Variants in PPP1R21 observed in about 807,000 individuals in gnomAD.
PPP1R21 encodes the protein KLRAQ motif containing 1.
A neutral mutation model predicts 112.8 loss-of-function variants in PPP1R21; 85 were observed. That is an observed-to-expected ratio of 0.75 (90% CI 0.63 to 0.90). The LOEUF (loss-of-function observed/expected upper bound fraction) is 0.90, where lower values mean the gene tolerates loss of function less well. PPP1R21 is among the 40% of genes least tolerant of loss of function. The pLI is 0.00. For missense variants in PPP1R21, 1,199 were observed against 901.5 expected, an observed-to-expected ratio of 1.33 and a Z score of -4.23; for synonymous variants, 381 against 322.3, an observed-to-expected ratio of 1.18 and a Z score of -1.95.
At chr2:48,461,657 G>T (rs1459329513) in intron 7 of PPP1R21, among the ~76,000 whole-genome samples, 1 of 152,120 alleles carries the variant, frequency 6.6e-6, no homozygotes, top group Non-Finnish European at 1.5e-5. Flanking sequence ...ACTTGGTTAA[G>T]CCTTGCTTCC....
chr2:48,473,113 T>C (rs1359810133), intron 11 of PPP1R21, among the ~76,000 whole-genome samples: 3 of 151,276 alleles, frequency 2.0e-5, no homozygotes, highest in Non-Finnish European at 4.4e-5. Flanking sequence ...AAAAAATTAA[T>C]ATATATTAAG....
intron 16 of PPP1R21, among the ~76,000 whole-genome samples, chr2:48,497,006 C>T (rs976039732): frequency 2.0e-5 from 3 of 152,156 alleles, no homozygotes; most frequent in African/African-American, 7.2e-5. Flanking sequence ...AACATGTTTC[C>T]CTGACTTCTG....
At chr2:48,452,533 A>C (rs1667522657) in intron 2 of PPP1R21, among the ~76,000 whole-genome samples, 2 of 150,228 alleles carry the variant, frequency 1.3e-5, no homozygotes, top group Admixed American at 1.3e-4. Flanking sequence ...ATTATATAAT[A>C]TAAATTATGA....
chr2:48,465,435 G>A (rs997318666), intron 8 of PPP1R21, 58 bp from the exon 9 acceptor site: 1 of 1,490,422 alleles, frequency 6.7e-7, no homozygotes, highest in African/African-American at 1.4e-5. Context: ...ACTCAATAAA[G>A]TTCTTTTAGG....
rs1463354290 is a variant in PPP1R21 at position 48,505,601 on chromosome 2, CAT to C, written c.1968+6_1968+7del. ...ACCAGGACATCTGACAGTGAGGTAACATGTGCTTGTCATCATGTTGTTTGTTA... is the reference window on the plus strand; with the variant it reads ...ACCAGGACATCTGACAGTGAGGTAACGTGCTTGTCATCATGTTGTTTGTTA... On this transcript the variant is annotated splice_donor_region_variant and intron_variant, in intron 18 of 21. Coordinates refer to ENST00000294952, the MANE Select transcript of PPP1R21 (RefSeq NM_001135629.3). 5.2e-6 allele frequency: 8 copies of C among 1,548,826 alleles called. No individual in the cohort carries two copies. Among genetic ancestry groups the C allele is most frequent in the South Asian group, 3.6e-5 (3 of 83,966 alleles).
chr2:48,483,698 C>G (rs1011859489), intron 13 of PPP1R21, among the ~76,000 whole-genome samples: 5 of 152,154 alleles, frequency 3.3e-5, no homozygotes, highest in African/African-American at 1.2e-4. Flanking sequence ...ATTGTTCCAA[C>G]CCAAGTGCTG....
intron 18 of PPP1R21, 99 bp from the exon 19 acceptor site, chr2:48,507,170 G>A: frequency 2.1e-6 from 3 of 1,396,234 alleles, no homozygotes; most frequent in Non-Finnish European, 2.8e-6. Flanking sequence ...CAAAGTTCAA[G>A]TGAGAATGTA....
chr2:48,441,102 G>GACCT, intron 1 of PPP1R21, 92 bp downstream of exon 1: 1 of 884,904 alleles, frequency 1.1e-6, no homozygotes, highest in East Asian at 2.7e-5. Context: ...GGTACTGCGG[G>GACCT]AGGGGCACGC....
intron 9 of PPP1R21, among the ~76,000 whole-genome samples, chr2:48,467,925 C>T (rs897967017): frequency 2.6e-5 from 4 of 152,152 alleles, no homozygotes; most frequent in Admixed American, 6.5e-5. Context: ...ATGAGTCATG[C>T]CATTCGTCCT....
intron 9 of PPP1R21, among the ~76,000 whole-genome samples, chr2:48,468,829 A>ATGTGTATG (rs1553339044): frequency 2.0e-5 from 3 of 146,428 alleles, no homozygotes; most frequent in Non-Finnish European, 4.5e-5. Context: ...AAAAAAATGT[A>ATGTGTATG]TGTGTGTGTG....
chr2:48,450,927 T>G (rs1667442361), intron 1 of PPP1R21, 81 bp from the exon 2 acceptor site: 1 of 1,137,314 alleles, frequency 8.8e-7, no homozygotes, highest in African/African-American at 1.5e-5. Context: ...AGTGTAATGA[T>G]GCCTGTAAAA....
Position 48,505,508 on chromosome 2 carries a change from A to G in PPP1R21, c.1936-56A>G, listed in dbSNP as rs1002230961. On this transcript the variant is annotated intron_variant, in intron 17 of 21. Coordinates refer to ENST00000294952, the MANE Select transcript of PPP1R21 (RefSeq NM_001135629.3). ...AGAAAATATTAAAAGCGTTTGATCT[A>G]TTGTGCTTGAAATGTACACATTCTG... is the stretch of plus-strand genomic sequence containing the variant. 179 of 1,283,228 alleles carry G rather than the reference A, an allele frequency of 1.4e-4. 1 individual carries two copies. The South Asian group carries it at 2.1e-3, about 15-fold the overall frequency. 79.5% of individuals were successfully genotyped at this position (1,283,228 alleles called of 1,614,324 possible). A position where few individuals can be genotyped will look rare whatever the true frequency, so the allele number is the denominator to read the frequency against.
intron 11 of PPP1R21, among the ~76,000 whole-genome samples, chr2:48,472,212 C>A (rs551045092): frequency 8.8e-6 from 1 of 113,166 alleles, no homozygotes; most frequent in South Asian, 2.9e-4. Context: ...TGCACTCCAG[C>A]CTAGGCAACA....
At position 48,486,783 on chromosome 2, in the gene PPP1R21, A is replaced by G. The variant is rs777881969; in HGVS notation, c.1446+25A>G. 37 of 1,594,392 alleles carry G rather than the reference A, an allele frequency of 2.3e-5. 1 individual carries two copies. The South Asian group carries it at 3.6e-4, about 16-fold the overall frequency. Reference sequence around the variant, plus strand: ...GGTAATTCTCTTCTGGCGTATATTGATGTTAAAACTCTTAAATATGTGCTT... The same window carrying G: ...GGTAATTCTCTTCTGGCGTATATTGGTGTTAAAACTCTTAAATATGTGCTT... On this transcript the variant is annotated intron_variant, in intron 14 of 21. Coordinates refer to ENST00000294952, the MANE Select transcript of PPP1R21 (RefSeq NM_001135629.3).
intron 19 of PPP1R21, 104 bp from the exon 20 acceptor site, chr2:48,509,911 T>A (rs977439592): frequency 1.5e-6 from 1 of 658,916 alleles, no homozygotes; most frequent in South Asian, 2.2e-5. Flanking sequence ...GTGGAATGAA[T>A]GAGTAGCTTT....
intron 8 of PPP1R21, 123 bp from the exon 9 acceptor site, chr2:48,465,370 T>A (rs1489414391): frequency 3.1e-6 from 3 of 959,972 alleles, no homozygotes; most frequent in Non-Finnish European, 3.0e-6. Flanking sequence ...TGGGAGCAGA[T>A]GAATTTAAAG....
At chr2:48,452,611 A>G (rs1667528958) in intron 2 of PPP1R21, among the ~76,000 whole-genome samples, 2 of 151,682 alleles carry the variant, frequency 1.3e-5, no homozygotes, top group African/African-American at 4.8e-5. Context: ...ACAACAAGTG[A>G]CAATTTGCCA....
intron 1 of PPP1R21, chr2:48,441,288 GA>G (rs1308533865): frequency 4.4e-5 from 23 of 520,574 alleles, no homozygotes; most frequent in South Asian, 1.4e-4. Flanking sequence ...TGGGATGTCA[GA>G]AATTCTGGCT....
intron 18 of PPP1R21, 44 bp from the exon 19 acceptor site, chr2:48,507,225 C>G (rs1346955625): frequency 3.6e-6 from 4 of 1,108,366 alleles, no homozygotes; most frequent in East Asian, 3.6e-5. Flanking sequence ...AATGCTTCAT[C>G]TCACTGGTAC....
Sources: allele counts gnomAD v4.1 joint callset (sites outside exome capture counted in the v4.1 genomes callset), GRCh38; gene constraint gnomAD v4.1.1; transcripts MANE v1.5; gene names NCBI Gene and HGNC (gene_info 2026-07-23, HGNC 2026-07-21).